The following RGS7BP variants were observed in gnomAD, a reference collection of about 807,000 sequenced individuals.
RGS7BP encodes the protein regulator of G protein signaling 7-binding protein.
RGS7BP carries 9 observed loss-of-function variants against 31.3 expected under a neutral mutation model. The ratio of observed to expected loss-of-function variants is 0.29; its 90% CI spans 0.17 to 0.50. The LOEUF (loss-of-function observed/expected upper bound fraction) is 0.50, where lower values mean the gene tolerates loss of function less well. Among genes scored for constraint, RGS7BP ranks in the 20% least tolerant of loss-of-function variants. The pLI is 0.98. For missense variants in RGS7BP, 274 were observed against 322.0 expected (o/e 0.85, Z 1.14); for synonymous variants, 115 against 120.1 (o/e 0.96, Z 0.28).
At chr5:64,592,816 A>C (rs959432875) in intron 3 of RGS7BP, among the ~76,000 whole-genome samples, 2 of 152,176 alleles carry the variant, frequency 1.3e-5, no homozygotes, top group African/African-American at 4.8e-5. Context: ...CAGGTTTTGA[A>C]AAGCAGAGGA....
At chr5:64,571,811 T>C (rs553361442) in intron 2 of RGS7BP, among the ~76,000 whole-genome samples, 62 of 152,288 alleles carry the variant, frequency 4.1e-4, no homozygotes, top group Non-Finnish European at 6.8e-4. Flanking sequence ...AGCAGATTTA[T>C]AATTTGGTCA....
chr5:64,540,410 C>T (rs1741499219), intron 2 of RGS7BP, among the ~76,000 whole-genome samples: 1 of 152,070 alleles, frequency 6.6e-6, no homozygotes, highest in Admixed American at 6.6e-5. Context: ...CAGCAGTGAA[C>T]TTCCCATATC....
intron 5 of RGS7BP, among the ~76,000 whole-genome samples, chr5:64,604,961 A>G (rs1743316193): frequency 2.0e-5 from 3 of 152,058 alleles, no homozygotes; most frequent in Admixed American, 2.0e-4. Context: ...CTTGAGGCCA[A>G]GAGTTCGAGT....
At chr5:64,546,253 T>G (rs1405020253) in intron 2 of RGS7BP, among the ~76,000 whole-genome samples, 1 of 151,472 alleles carries the variant, frequency 6.6e-6, no homozygotes, top group Non-Finnish European at 1.5e-5. Context: ...GATGAGGTGG[T>G]CAGGGAGACT....
intron 3 of RGS7BP, among the ~76,000 whole-genome samples, chr5:64,580,957 C>A (rs1360278736): frequency 6.6e-6 from 1 of 151,974 alleles, no homozygotes; most frequent in Non-Finnish European, 1.5e-5. Flanking sequence ...ATCATACCTG[C>A]AATCCTAGCA....
At chr5:64,569,621 T>TC (rs1393150899) in intron 2 of RGS7BP, among the ~76,000 whole-genome samples, 1 of 152,122 alleles carries the variant, frequency 6.6e-6, no homozygotes, top group African/African-American at 2.4e-5. Flanking sequence ...CCCCCAACTA[T>TC]CCAATGATTA....
intron 5 of RGS7BP, chr5:64,601,420 A>C: frequency 4.1e-6 from 4 of 981,900 alleles, no homozygotes; most frequent in South Asian, 4.7e-5. Context: ...ACTCGGCTCC[A>C]CAATGGTTTA....
intron 2 of RGS7BP, among the ~76,000 whole-genome samples, chr5:64,554,192 A>G (rs1741866506): frequency 6.6e-6 from 1 of 152,104 alleles, no homozygotes; most frequent in African/African-American, 2.4e-5. Flanking sequence ...CAGGGTATTT[A>G]TTCTCCCGTT....
intron 2 of RGS7BP, among the ~76,000 whole-genome samples, chr5:64,521,413 C>A (rs1749104734): frequency 6.6e-6 from 1 of 152,114 alleles, no homozygotes; most frequent in Admixed American, 6.5e-5. Context: ...TGCGCCACCA[C>A]ACCCAGCTAA....
chr5:64,561,070 C>T (rs1742044087), intron 2 of RGS7BP, among the ~76,000 whole-genome samples: 1 of 152,080 alleles, frequency 6.6e-6, no homozygotes, highest in African/African-American at 2.4e-5. Flanking sequence ...GCAAGAGCAC[C>T]CTGTTCTTGT....
At chr5:64,558,603 G>A (rs1203774408) in intron 2 of RGS7BP, among the ~76,000 whole-genome samples, 1 of 151,978 alleles carries the variant, frequency 6.6e-6, no homozygotes, top group East Asian at 1.9e-4. Flanking sequence ...TGAAATCTGG[G>A]CACCTTGAAA....
intron 2 of RGS7BP, among the ~76,000 whole-genome samples, chr5:64,541,370 C>G (rs1741522779): frequency 6.6e-6 from 1 of 152,208 alleles, no homozygotes; most frequent in Admixed American, 6.5e-5. Flanking sequence ...ACCTCCAATA[C>G]TGGGAATCAC....
chr5:64,522,062 T>C (rs1477458482), intron 2 of RGS7BP, among the ~76,000 whole-genome samples: 1 of 152,176 alleles, frequency 6.6e-6, no homozygotes, highest in Non-Finnish European at 1.5e-5. Context: ...TAGTGGCCAG[T>C]GTAGAAAGAC....
chr5:64,544,132 A>G, intron 2 of RGS7BP, among the ~76,000 whole-genome samples: 1 of 152,252 alleles, frequency 6.6e-6, no homozygotes, highest in East Asian at 1.9e-4. Flanking sequence ...TTCAACAAAT[A>G]CTGAGCCAAT....
intron 2 of RGS7BP, among the ~76,000 whole-genome samples, chr5:64,520,111 C>A (rs2111896831): frequency 6.6e-6 from 1 of 152,164 alleles, no homozygotes; most frequent in East Asian, 1.9e-4. Context: ...TTATAGTGAA[C>A]TGAGGTTCTG....
At chr5:64,562,924 G>A (rs1742087779) in intron 2 of RGS7BP, among the ~76,000 whole-genome samples, 1 of 152,078 alleles carries the variant, frequency 6.6e-6, no homozygotes, top group African/African-American at 2.4e-5. Flanking sequence ...AAAACTTCCT[G>A]TTCCTAGGGA....
At chr5:64,590,129 T>C (rs1742871641) in intron 3 of RGS7BP, among the ~76,000 whole-genome samples, 1 of 151,968 alleles carries the variant, frequency 6.6e-6, no homozygotes, top group South Asian at 2.1e-4. Flanking sequence ...TCCCTAGGTA[T>C]AGATAAAAGA....
At chr5:64,597,391 G>A (rs775515698) in intron 4 of RGS7BP, among the ~76,000 whole-genome samples, 44 of 151,914 alleles carry the variant, frequency 2.9e-4, no homozygotes, top group Non-Finnish European at 3.8e-4. Context: ...CTAAAGGAAG[G>A]CCCAGCTGTA....
intron 2 of RGS7BP, among the ~76,000 whole-genome samples, chr5:64,573,113 C>T (rs1046193087): frequency 9.2e-5 from 14 of 151,446 alleles, no homozygotes; most frequent in Non-Finnish European, 1.8e-4. Flanking sequence ...ATGATGATTT[C>T]CAATTTCATC....
Sources: gnomAD v4.1 joint callset for allele counts (sites outside exome capture counted in the v4.1 genomes callset) on GRCh38, gnomAD v4.1.1 for gene constraint, MANE v1.5 for transcripts, NCBI Gene and HGNC (gene_info 2026-07-23, HGNC 2026-07-21) for gene names.